The following TRPM7 variants were observed in gnomAD, a reference collection of about 807,000 sequenced individuals.
TRPM7 encodes the protein LTRPC ion channel family member 7.
In TRPM7, 134 loss-of-function variants were observed where a neutral mutation model predicts 229.7. The observed-to-expected ratio is 0.58, with a 90% CI of 0.51 to 0.67. The LOEUF is 0.67. TRPM7 is among the 30% of genes least tolerant of loss of function. The pLI is 0.00. For synonymous variants in TRPM7, 699 were observed against 715.2 expected, an observed-to-expected ratio of 0.98 and a Z score of 0.36; for missense variants, 1,901 against 2,210.0, an observed-to-expected ratio of 0.86 and a Z score of 2.80.
intron 1 of TRPM7, among the ~76,000 whole-genome samples, chr15:50,672,701 C>T (rs2062015345): frequency 6.6e-6 from 1 of 151,668 alleles, no homozygotes; most frequent in African/African-American, 2.4e-5. Flanking sequence ...TCTGAGGTCA[C>T]GAGTTCGAGA....
In TRPM7 at chr15:50,604,732, A is replaced by C. The variant is rs370544811; in HGVS notation, c.2988+134T>G. 1.0e-4 allele frequency: 86 copies of C among 831,800 alleles called. 1 individual carries two copies. The East Asian group carries it at 1.5e-3, about 14-fold the overall frequency. The allele number at this position is 831,800 out of a possible 1,614,324, so 51.5% of individuals were successfully genotyped here. On this transcript the variant is annotated intron_variant, in intron 21 of 38. Coordinates refer to ENST00000646667, the MANE Select transcript of TRPM7 (RefSeq NM_017672.6). ...ATGAGAAACTCTTAAGGAATGGCAGATGTGAAGTATGAGGCAAACAAACAC... is the reference window on the plus strand; with the variant it reads ...ATGAGAAACTCTTAAGGAATGGCAGCTGTGAAGTATGAGGCAAACAAACAC...
At chr15:50,681,843 G>T (rs989253271) in intron 1 of TRPM7, among the ~76,000 whole-genome samples, 2 of 152,156 alleles carry the variant, frequency 1.3e-5, no homozygotes, top group Admixed American at 6.6e-5. Flanking sequence ...AGGTCAAGTA[G>T]GGAAAAGATT....
At chr15:50,581,031 GTTC>G (rs1333114683) in intron 29 of TRPM7, 123 bp from the exon 30 acceptor site, 36 of 770,846 alleles carry the variant, frequency 4.7e-5, no homozygotes, top group South Asian at 6.7e-5. Context: ...CTAACATACA[GTTC>G]TTGTTTCATA....
At chr15:50,603,188 G>C (rs1166184674) in intron 21 of TRPM7, among the ~76,000 whole-genome samples, 1 of 152,154 alleles carries the variant, frequency 6.6e-6, no homozygotes, top group Non-Finnish European at 1.5e-5. Context: ...GAGGGAAACA[G>C]TGCAGCGTGA....
chr15:50,628,256 G>T lies in TRPM7; in HGVS notation c.1205-7C>A. The stretch of plus-strand genomic sequence containing the variant: ...AATGCAGATGCATTAGTACCTAATC[G>T]AATAAAGAAAATAGTTGACAGGTTC... On this transcript the variant is annotated splice_polypyrimidine_tract_variant and splice_region_variant and intron_variant, in intron 10 of 38. Coordinates refer to ENST00000646667, the MANE Select transcript of TRPM7 (RefSeq NM_017672.6). 6.3e-7 allele frequency: 1 copy of T among 1,586,006 alleles called. No individual in the cohort carries two copies. The highest frequency in any genetic ancestry group is 8.6e-7 in the Non-Finnish European group (1 of 1,159,688).
intron 1 of TRPM7, among the ~76,000 whole-genome samples, chr15:50,666,669 G>A (rs1268103737): frequency 2.0e-5 from 3 of 152,092 alleles, no homozygotes. Context: ...AGGCATGGTG[G>A]TGCATGCCTA....
At chr15:50,600,931 A>G (rs1239563687) in intron 21 of TRPM7, among the ~76,000 whole-genome samples, 15 of 152,216 alleles carry the variant, frequency 9.9e-5, no homozygotes, top group Non-Finnish European at 2.1e-4. Context: ...CAAAATTCTT[A>G]ATTGGGTGTT....
At position 50,607,204 on chromosome 15, in the gene TRPM7, C is replaced by T. The variant is rs748466765; in HGVS notation, c.2705G>A (p.Arg902His). The T allele has an allele frequency of 5.6e-6, 9 of 1,605,422 alleles. No individual in the cohort carries two copies. The highest frequency in any genetic ancestry group is 1.7e-5 in the Admixed American group (1 of 58,038). Reference sequence around the variant, plus strand: ...AGAAAAAAACTAAAGACATACCTCACGGACTTTCTCAATGGCATAAGTAAA... The same window carrying T: ...AGAAAAAAACTAAAGACATACCTCATGGACTTTCTCAATGGCATAAGTAAA... ...YIFTYAIEKV[R>H]EIFMSEAGKV... The change falls in exon 20 of 39, where the codon CGT (arginine) becomes CAT (histidine). Residue 902 changes from arginine (R) to histidine (H), a missense_variant. By Grantham distance (29) the Arg-to-His change is conservative. This residue lies in a region of TRPM7 where 207 missense variants were observed against 241.5 expected (regional missense o/e 0.86). Coordinates refer to ENST00000646667, the MANE Select transcript of TRPM7 (RefSeq NM_017672.6).
intron 13 of TRPM7, among the ~76,000 whole-genome samples, chr15:50,616,808 G>C (rs2060234134): frequency 6.6e-6 from 1 of 151,978 alleles, no homozygotes; most frequent in African/African-American, 2.4e-5. Context: ...AGCCTCCTAA[G>C]TAGCTGGGAC....
intron 1 of TRPM7, among the ~76,000 whole-genome samples, chr15:50,685,782 CCT>C (rs1243815448): frequency 9.9e-5 from 15 of 152,134 alleles, no homozygotes; most frequent in Non-Finnish European, 1.9e-4. Flanking sequence ...GCACCGCCTC[CCT>C]CTCTCCATTC....
At chr15:50,657,920 CCT>C in intron 2 of TRPM7, 101 bp from the exon 3 acceptor site, 1 of 759,690 alleles carries the variant, frequency 1.3e-6, no homozygotes, top group Non-Finnish European at 2.1e-6. Flanking sequence ...AAATTATATA[CCT>C]AGTTTAATTT....
intron 1 of TRPM7, among the ~76,000 whole-genome samples, chr15:50,671,642 C>A (rs72740472): frequency 0.085 from 8,851 of 104,686 alleles, 334 homozygotes; most frequent in African/African-American, 0.16. Context: ...GATCCTGTCG[C>A]TACAAAAGTT....
At position 50,639,301 on chromosome 15, in the gene TRPM7, TACCTTTTAA is replaced by T. The variant is rs151244556; in HGVS notation, c.660+114_660+122del. 6,310 of 799,854 alleles carry T rather than the reference TACCTTTTAA, an allele frequency of 7.9e-3. 317 individuals are homozygous for T. The African/African-American group carries it at 0.1, about 13-fold the overall frequency. 49.5% of individuals were successfully genotyped at this position (799,854 alleles called of 1,614,324 possible). On this transcript the variant is annotated intron_variant, in intron 6 of 38. Transcript: ENST00000646667. ...AATTCAGAAGTAAACCTCAGGAAAA[TACCTTTTAA>T]ACTTAATTTGAAAAGTATAATATAA...
In TRPM7 at chr15:50,663,024, C is replaced by G; in HGVS notation, c.26G>C (p.Ser9Thr). ...TACACATTCCCTCTTGGTCAAAGTG[C>G]TTTCTATCCAGGATTTCTGGGACTA... MSQKSWIE[S>T]TLTKRECVYI... Residue 9 changes from serine (S) to threonine (T), a missense_variant, in exon 2 of 39, where the codon AGC (serine) becomes ACC (threonine). By Grantham distance (58) the Ser-to-Thr change is moderately conservative. This residue lies in a region of TRPM7 where 794 missense variants were observed against 881.9 expected (regional missense o/e 0.90). Transcript: ENST00000646667. The G allele has an allele frequency of 6.2e-7, 1 of 1,613,684 alleles. No homozygotes were observed. The highest frequency in any genetic ancestry group is 8.5e-7 in the Non-Finnish European group (1 of 1,179,742).
intron 13 of TRPM7, among the ~76,000 whole-genome samples, chr15:50,614,537 T>C (rs2140495140): frequency 6.6e-6 from 1 of 152,038 alleles, no homozygotes; most frequent in South Asian, 2.1e-4. Flanking sequence ...AGCTAGTAGA[T>C]GCCTGTAGTC....
At chr15:50,665,572 T>C (rs2061858547) in intron 1 of TRPM7, among the ~76,000 whole-genome samples, 1 of 152,170 alleles carries the variant, frequency 6.6e-6, no homozygotes. Context: ...CAATAAAAAT[T>C]CATAATTAAA....
intron 25 of TRPM7, among the ~76,000 whole-genome samples, 162 bp downstream of exon 25, chr15:50,593,455 T>C (rs560533385): frequency 6.6e-6 from 1 of 152,284 alleles, no homozygotes; most frequent in African/African-American, 2.4e-5. Flanking sequence ...CTGACTTATA[T>C]GAAGTATTAA....
At chr15:50,623,113 T>C (rs535503661) in intron 12 of TRPM7, among the ~76,000 whole-genome samples, 2 of 151,976 alleles carry the variant, frequency 1.3e-5, no homozygotes, top group African/African-American at 4.8e-5. Flanking sequence ...TGCTTTTTTT[T>C]AAAAAAGTTT....
At chr15:50,620,690 G>T (rs2060369618) in intron 12 of TRPM7, among the ~76,000 whole-genome samples, 1 of 152,126 alleles carries the variant, frequency 6.6e-6, no homozygotes, top group African/African-American at 2.4e-5. Context: ...CAGCACTTTG[G>T]GAGGCAGAAG....
Sources: gnomAD v4.1 joint callset for allele counts (sites outside exome capture counted in the v4.1 genomes callset) on GRCh38, gnomAD v4.1.1 for gene constraint, gnomAD v4.1.1 regional missense constraint, MANE v1.5 for transcripts, NCBI Gene and HGNC (gene_info 2026-07-23, HGNC 2026-07-21) for gene names.